CFAP20DC: variants seen among roughly 807,000 people sequenced by gnomAD.
The protein encoded by CFAP20DC is CFAP20 domain containing, also known as protein CFAP20DC.
A neutral mutation model predicts 101.7 loss-of-function variants in CFAP20DC; 84 were observed. That is an observed-to-expected ratio of 0.83 (90% CI 0.69 to 0.99). CFAP20DC has a LOEUF of 0.99. Ranked by LOEUF, CFAP20DC falls within the 50% of genes least tolerant of loss-of-function variation. The pLI is 0.00. For missense variants in CFAP20DC, 1,007 were observed against 970.3 expected, an observed-to-expected ratio of 1.04 and a Z score of -0.50; for synonymous variants, 359 against 351.2, an observed-to-expected ratio of 1.02 and a Z score of -0.25.
intron 15 of CFAP20DC, among the ~76,000 whole-genome samples, chr3:58,777,764 G>A (rs1581197): frequency 0.18 from 27,689 of 151,988 alleles, 4,468 homozygotes; most frequent in African/African-American, 0.42. Context: ...ACAGACTCCT[G>A]TAATCCTAGC....
At chr3:58,765,718 A>G (rs182125405) in intron 15 of CFAP20DC, among the ~76,000 whole-genome samples, 3 of 152,262 alleles carry the variant, frequency 2.0e-5, no homozygotes, top group Admixed American at 2.0e-4. Context: ...GGTCATTTTC[A>G]CTGGGGATCT....
chr3:58,920,182 C>G (rs867313446), intron 5 of CFAP20DC, among the ~76,000 whole-genome samples: 1 of 150,770 alleles, frequency 6.6e-6, no homozygotes, highest in Non-Finnish European at 1.5e-5. Flanking sequence ...CCTCCGCTTC[C>G]CAGGCTCAGG....
chr3:58,810,750 G>C (rs914847005), intron 14 of CFAP20DC, among the ~76,000 whole-genome samples: 35 of 151,184 alleles, frequency 2.3e-4, no homozygotes, highest in Admixed American at 5.3e-4. Flanking sequence ...ATTAGGAAAA[G>C]AGGAAGTCAA....
At chr3:58,754,052 T>C (rs2068755435) in intron 15 of CFAP20DC, among the ~76,000 whole-genome samples, 189 bp from the exon 16 acceptor site, 1 of 152,230 alleles carries the variant, frequency 6.6e-6, no homozygotes, top group African/African-American at 2.4e-5. Context: ...GTCAATCACT[T>C]AACTAGCCAG....
rs138454682 is a variant in CFAP20DC, at chr3:58,907,356, T to C, written c.550+6352A>G. The stretch of plus-strand genomic sequence containing the variant: ...CTCCTCTTACTGCTAAGTAAGCTCA[T>C]TAGTGAAGTTACCATTGGGATTTAA... On this transcript the variant is annotated intron_variant, in intron 6 of 16. Coordinates refer to ENST00000482387, the MANE Select transcript of CFAP20DC (RefSeq NM_001394063.1). 1.3e-4 allele frequency among the ~76,000 whole-genome samples: 20 copies of C among 152,296 alleles called. No individual in the cohort carries two copies. In the East Asian group the frequency reaches 3.5e-3, roughly 26 times the overall value.
In CFAP20DC at chr3:58,798,286, T is replaced by G. The variant is rs550020682; in HGVS notation, c.2237+8109A>C. 1.4e-3 allele frequency among the ~76,000 whole-genome samples: 218 copies of G among 152,238 alleles called. 2 individuals are homozygous for G. Among genetic ancestry groups the G allele is most frequent in the African/African-American group, 5.2e-3 (217 of 41,540 alleles). The stretch of plus-strand genomic sequence containing the variant: ...GCATTCATGGGAGGAGGTCAAAATA[T>G]CAACATGACCAGAAGTTTGGGAGAA... On this transcript the variant is annotated intron_variant, in intron 15 of 16. Coordinates refer to ENST00000482387, the MANE Select transcript of CFAP20DC (RefSeq NM_001394063.1).
intron 4 of CFAP20DC, among the ~76,000 whole-genome samples, chr3:58,988,494 C>G (rs1485788396): frequency 6.6e-6 from 1 of 152,116 alleles, no homozygotes; most frequent in South Asian, 2.1e-4. Flanking sequence ...CCATAATCAG[C>G]AGAGCATTGA....
At chr3:59,042,456 AG>A (rs1432727795) in intron 3 of CFAP20DC, among the ~76,000 whole-genome samples, 1 of 152,040 alleles carries the variant, frequency 6.6e-6, no homozygotes, top group African/African-American at 2.4e-5. Flanking sequence ...TGCTGTAGGT[AG>A]AGGGTACAGT....
At chr3:58,924,559 T>C (rs1470052625) in intron 5 of CFAP20DC, among the ~76,000 whole-genome samples, 1 of 152,128 alleles carries the variant, frequency 6.6e-6, no homozygotes, top group Non-Finnish European at 1.5e-5. Context: ...GTCTTTTTGA[T>C]ATGAGGATTT....
chr3:58,989,176 T>C (rs1396400365), intron 4 of CFAP20DC, among the ~76,000 whole-genome samples: 2 of 152,070 alleles, frequency 1.3e-5, no homozygotes, highest in Non-Finnish European at 2.9e-5. Context: ...TTACTCTTAC[T>C]GTTACTAAAA....
chr3:58,734,840 A>T (rs1575520697), intron 3 of CFAP20DC, among the ~76,000 whole-genome samples: 1 of 152,202 alleles, frequency 6.6e-6, no homozygotes, highest in African/African-American at 2.4e-5. Context: ...ACTTTACAAA[A>T]GGCTTACAAC....
intron 16 of CFAP20DC, among the ~76,000 whole-genome samples, chr3:58,749,054 T>C (rs1376940454): frequency 1.3e-5 from 2 of 152,210 alleles, no homozygotes; most frequent in East Asian, 3.8e-4. Context: ...ATATGACCAA[T>C]ATTGCTCTTT....
chr3:59,013,047 G>A (rs184963805), intron 4 of CFAP20DC, among the ~76,000 whole-genome samples: 309 of 152,266 alleles, frequency 2.0e-3, no homozygotes, highest in Non-Finnish European at 3.3e-3. Flanking sequence ...TCAGAGGAGA[G>A]AGCAACACAC....
intron 15 of CFAP20DC, among the ~76,000 whole-genome samples, chr3:58,804,751 G>C: frequency 6.6e-6 from 1 of 152,114 alleles, no homozygotes; most frequent in East Asian, 1.9e-4. Context: ...TAATTTGTTA[G>C]GCAAATCTAG....
intron 15 of CFAP20DC, among the ~76,000 whole-genome samples, chr3:58,782,292 A>G (rs1039880859): frequency 3.9e-5 from 6 of 152,038 alleles, no homozygotes; most frequent in Non-Finnish European, 7.4e-5. Flanking sequence ...TCAAAATAAT[A>G]AAGGCCATAT....
At chr3:58,839,478 G>C (rs548903003) in intron 13 of CFAP20DC, among the ~76,000 whole-genome samples, 158 of 152,284 alleles carry the variant, frequency 1.0e-3, no homozygotes, top group African/African-American at 3.5e-3. Context: ...TCACATAAAA[G>C]CTTCTGAGTC....
chr3:58,738,405 T>C (rs2067806287), downstream of CFAP20DC, among the ~76,000 whole-genome samples: 1 of 152,194 alleles, frequency 6.6e-6, no homozygotes, highest in Admixed American at 6.5e-5. The surrounding 1 kb of genome is among the most constrained non-coding windows in gnomAD (Gnocchi z 4.4). Context: ...GTGTTCTCAT[T>C]GTTCAGCTCC....
intron 14 of CFAP20DC, among the ~76,000 whole-genome samples, chr3:58,825,831 A>G (rs1352646998): frequency 6.6e-6 from 1 of 152,194 alleles, no homozygotes; most frequent in East Asian, 1.9e-4. Context: ...ATTTCTCAGT[A>G]GGCTTGATTT....
chr3:58,737,793 G>T (rs185256285), downstream of CFAP20DC, among the ~76,000 whole-genome samples: 2 of 152,194 alleles, frequency 1.3e-5, no homozygotes, highest in Non-Finnish European at 2.9e-5. This position sits in a 1 kb window ranked among gnomAD's most constrained non-coding sequence, Gnocchi z 4.1. Flanking sequence ...TGGAGCAAAA[G>T]AAACGGAAAT....
Sources: gnomAD v4.1 joint callset for allele counts (sites outside exome capture counted in the v4.1 genomes callset) on GRCh38, gnomAD v4.1.1 for gene constraint, Gnocchi (gnomAD v3.1) non-coding constraint, MANE v1.5 for transcripts, NCBI Gene and HGNC (gene_info 2026-07-23, HGNC 2026-07-21) for gene names.